The following PCNX1 variants were observed in gnomAD, a reference collection of about 807,000 sequenced individuals.
PCNX1 encodes pecanex-like protein 1.
In PCNX1, 78 loss-of-function variants were observed where a neutral mutation model predicts 242.2. The observed-to-expected ratio is 0.32, with a 90% CI of 0.27 to 0.39. The LOEUF is 0.39. PCNX1 is among the 10% of genes least tolerant of loss of function. PCNX1 has a pLI of 1.00. For synonymous variants in PCNX1, 1,024 were observed against 1,032.9 expected, an observed-to-expected ratio of 0.99 and a Z score of 0.17; for missense variants, 2,581 against 2,856.5, an observed-to-expected ratio of 0.90 and a Z score of 2.20.
chr14:71,012,839 G>T, intron 10 of PCNX1, 146 bp from the exon 11 acceptor site: 18 of 529,404 alleles, frequency 3.4e-5, no homozygotes, highest in Non-Finnish European at 4.3e-5. Flanking sequence ...AAAAAAAAAA[G>T]TGTATGAGAG....
At chr14:71,099,789 T>G (rs1355850455) in intron 30 of PCNX1, among the ~76,000 whole-genome samples, 1 of 152,240 alleles carries the variant, frequency 6.6e-6, no homozygotes, top group Non-Finnish European at 1.5e-5. Context: ...AGGATAGTTA[T>G]GTCTTCTTGT....
intron 2 of PCNX1, among the ~76,000 whole-genome samples, chr14:70,949,269 G>GTGTGTAGATA (rs1566608373): frequency 1.8e-4 from 5 of 27,838 alleles, no homozygotes; most frequent in Admixed American, 3.0e-4. Flanking sequence ...ACACGTGTAT[G>GTGTGTAGATA]CACACACGTG....
At chr14:71,093,393 AC>A (rs1471868100) in intron 30 of PCNX1, 3 of 152,114 alleles carry the variant, frequency 2.0e-5, no homozygotes, top group Non-Finnish European at 4.4e-5. Context: ...ATTAAGCACC[AC>A]ACTAGAAGTA....
intron 25 of PCNX1, among the ~76,000 whole-genome samples, chr14:71,056,612 G>A (rs934616148): frequency 2.0e-5 from 3 of 152,048 alleles, no homozygotes; most frequent in Admixed American, 1.3e-4. Context: ...TTATCGCTTT[G>A]CATGAGTTAC....
At chr14:71,018,677 C>T (rs1217078806) in intron 11 of PCNX1, among the ~76,000 whole-genome samples, 1 of 151,846 alleles carries the variant, frequency 6.6e-6, no homozygotes, top group Non-Finnish European at 1.5e-5. Flanking sequence ...TTTTATTTGC[C>T]ATCCAAGTTG....
intron 30 of PCNX1, among the ~76,000 whole-genome samples, chr14:71,097,468 G>GT (rs1465780003): frequency 1.3e-5 from 2 of 152,156 alleles, no homozygotes; most frequent in Non-Finnish European, 2.9e-5. Context: ...AGCATCTCTT[G>GT]TTTTTTGACT....
intron 27 of PCNX1, among the ~76,000 whole-genome samples, chr14:71,075,497 C>G (rs1322199618): frequency 6.6e-6 from 1 of 152,158 alleles, no homozygotes; most frequent in Non-Finnish European, 1.5e-5. Context: ...CCTAGGACCA[C>G]CAGATGGCCT....
chr14:70,934,453 A>C (rs1346325402), intron 1 of PCNX1, among the ~76,000 whole-genome samples: 1 of 152,140 alleles, frequency 6.6e-6, no homozygotes, highest in Non-Finnish European at 1.5e-5. Flanking sequence ...CCATTTAAAA[A>C]ATTTTTGTTT....
chr14:70,948,596 T>C (rs1271742471), intron 2 of PCNX1, among the ~76,000 whole-genome samples: 1 of 151,452 alleles, frequency 6.6e-6, no homozygotes, highest in Non-Finnish European at 1.5e-5. Flanking sequence ...CATATATAGA[T>C]ATGTGTATAT....
intron 12 of PCNX1, among the ~76,000 whole-genome samples, chr14:71,022,386 G>T (rs1302443699): frequency 6.6e-6 from 1 of 152,162 alleles, no homozygotes; most frequent in Non-Finnish European, 1.5e-5. Context: ...GAATAATAAT[G>T]TCATAAACAG....
intron 8 of PCNX1, among the ~76,000 whole-genome samples, chr14:70,996,469 A>AT (rs1566676127): frequency 6.6e-6 from 1 of 152,174 alleles, no homozygotes; most frequent in Non-Finnish European, 1.5e-5. Flanking sequence ...TATAAAGTTT[A>AT]TTTCTTGTTC....
intron 13 of PCNX1, among the ~76,000 whole-genome samples, 172 bp downstream of exon 13, chr14:71,023,404 T>C (rs1008715455): frequency 6.6e-6 from 1 of 152,280 alleles, no homozygotes; most frequent in Non-Finnish European, 1.5e-5. Flanking sequence ...ATAGGTGTTT[T>C]GTTAGCTTGA....
At chr14:71,030,813 G>T (rs938464719) in intron 16 of PCNX1, among the ~76,000 whole-genome samples, 1 of 152,082 alleles carries the variant, frequency 6.6e-6, no homozygotes, top group Non-Finnish European at 1.5e-5. Flanking sequence ...GGAATTTATG[G>T]CTTTTGTCTC....
intron 7 of PCNX1, among the ~76,000 whole-genome samples, chr14:70,992,702 AT>A (rs2059204446): frequency 6.6e-6 from 1 of 152,194 alleles, no homozygotes; most frequent in Non-Finnish European, 1.5e-5. Context: ...TTAGACCTAA[AT>A]TTCTACCTTT....
chr14:71,048,042 T>C, intron 22 of PCNX1, 58 bp downstream of exon 22: 1 of 1,236,718 alleles, frequency 8.1e-7, no homozygotes. Flanking sequence ...CTGGGTTATA[T>C]GCTAGTCAGA....
chr14:71,070,246 A>G (rs2061555928), intron 26 of PCNX1, among the ~76,000 whole-genome samples: 1 of 152,136 alleles, frequency 6.6e-6, no homozygotes, highest in African/African-American at 2.4e-5. Flanking sequence ...TACTTCCACC[A>G]CTGAAGTCTT....
At chr14:71,054,892 T>C (rs1354562151) in intron 24 of PCNX1, among the ~76,000 whole-genome samples, 2 of 152,218 alleles carry the variant, frequency 1.3e-5, no homozygotes, top group Non-Finnish European at 2.9e-5. Flanking sequence ...ATTGTGCAAG[T>C]GTGGCAGCGA....
intron 11 of PCNX1, among the ~76,000 whole-genome samples, chr14:71,015,714 A>G (rs2059945139): frequency 6.6e-6 from 1 of 152,204 alleles, no homozygotes; most frequent in Admixed American, 6.5e-5. Flanking sequence ...TAATATGTCA[A>G]AAAGGAGATA....
rs1257523050 is a variant in PCNX1 at position 71,052,499 on chromosome 14, C to T, written c.4577+487C>T. ...AAGTGTTAGGATCACAGGCATGAGC[C>T]ACTGTGCTCAGCCATTTTTTCCTAC... On this transcript the variant is annotated intron_variant, in intron 24 of 35. Coordinates refer to ENST00000304743, the MANE Select transcript of PCNX1 (RefSeq NM_014982.3). Among the ~76,000 whole-genome samples the T allele has an allele frequency of 2.0e-5, 3 of 152,300 alleles. No homozygotes were observed. In the East Asian group the frequency reaches 5.8e-4, roughly 29 times the overall value.
Sources: allele counts gnomAD v4.1 joint callset (sites outside exome capture counted in the v4.1 genomes callset), GRCh38; gene constraint gnomAD v4.1.1; transcripts MANE v1.5; gene names NCBI Gene and HGNC (gene_info 2026-07-23, HGNC 2026-07-21).